The following GRK5 variants were observed in gnomAD, a reference collection of about 807,000 sequenced individuals.
GRK5 encodes g protein-coupled receptor kinase GRK5.
GRK5 carries 40 observed loss-of-function variants against 78.4 expected under a neutral mutation model. That is an observed-to-expected ratio of 0.51 (90% confidence interval 0.40 to 0.66). The LOEUF (loss-of-function observed/expected upper bound fraction) is 0.66. Among genes scored for constraint, GRK5 ranks in the 30% least tolerant of loss-of-function variants. GRK5 has a pLI of 0.00. For missense variants in GRK5, 598 were observed against 759.9 expected (o/e 0.79, Z 2.50); for synonymous variants, 289 against 296.8 (o/e 0.97, Z 0.27).
chr10:119,384,900 G>A (rs10886468), intron 3 of GRK5, among the ~76,000 whole-genome samples: 37,357 of 151,972 alleles, frequency 0.25, 4,744 homozygotes, highest in East Asian at 0.38. Context: ...AAAACAACTG[G>A]AGCAGGTTAA....
intron 4 of GRK5, among the ~76,000 whole-genome samples, chr10:119,414,592 A>G (rs1402791120): frequency 6.6e-6 from 1 of 152,200 alleles, no homozygotes; most frequent in African/African-American, 2.4e-5. Context: ...CTCTGGCCAG[A>G]TTCCCTAGGT....
chr10:119,354,952 G>A (rs1433281218), intron 2 of GRK5, among the ~76,000 whole-genome samples: 2 of 152,172 alleles, frequency 1.3e-5, no homozygotes, highest in African/African-American at 4.8e-5. Context: ...AGGACTCCCC[G>A]AGAATGCCAA....
intron 2 of GRK5, among the ~76,000 whole-genome samples, chr10:119,335,670 G>A (rs1406871425): frequency 6.6e-6 from 1 of 152,232 alleles, no homozygotes; most frequent in African/African-American, 2.4e-5. Context: ...GCCTGCGCAT[G>A]TTCTTTAAAC....
At chr10:119,388,126 T>TC (rs1164569535) in intron 3 of GRK5, among the ~76,000 whole-genome samples, 1 of 148,648 alleles carries the variant, frequency 6.7e-6, no homozygotes, top group East Asian at 1.9e-4. Context: ...CTAATTAAAT[T>TC]TTTTTTTTTT....
At chr10:119,326,418 C>A in intron 1 of GRK5, 98 bp from the exon 2 acceptor site, 1 of 934,838 alleles carries the variant, frequency 1.1e-6, no homozygotes, top group East Asian at 2.5e-5. Context: ...CAGCCCGTCC[C>A]TCTGTCTCTC....
Position 119,261,570 on chromosome 10 carries a change from C to T in GRK5, c.52+53601C>T, listed in dbSNP as rs368532769. 2.6e-4 allele frequency among the ~76,000 whole-genome samples: 39 copies of T among 152,064 alleles called. No homozygotes were observed. The East Asian group carries it at 7.4e-3, about 29-fold the overall frequency. On this transcript the variant is annotated intron_variant, in intron 1 of 15. Coordinates refer to ENST00000392870, the MANE Select transcript of GRK5 (RefSeq NM_005308.3). ...GGCGGCTGGGAGGTGGAGGTTGTAG[C>T]GAGCCGAGATCACGCCACTGCACTC...
chr10:119,245,381 C>T (rs981374667), intron 1 of GRK5, among the ~76,000 whole-genome samples: 1 of 152,056 alleles, frequency 6.6e-6, no homozygotes, highest in African/African-American at 2.4e-5. Flanking sequence ...ACCTCAAAGT[C>T]TATAGGTAAA....
intron 4 of GRK5, among the ~76,000 whole-genome samples, chr10:119,421,517 G>A (rs544083803): frequency 6.6e-6 from 1 of 152,336 alleles, no homozygotes; most frequent in South Asian, 2.1e-4. Flanking sequence ...CCATGACATC[G>A]AGGATCTTTT....
At chr10:119,390,623 A>G (rs1190718061) in intron 3 of GRK5, among the ~76,000 whole-genome samples, 1 of 152,206 alleles carries the variant, frequency 6.6e-6, no homozygotes, top group African/African-American at 2.4e-5. Flanking sequence ...TGAACCCAGG[A>G]GGCAGAGGTT....
intron 2 of GRK5, among the ~76,000 whole-genome samples, chr10:119,353,362 C>A (rs74157666): frequency 0.015 from 2,312 of 152,188 alleles, 60 homozygotes; most frequent in African/African-American, 0.051. Flanking sequence ...GTAATTACCT[C>A]CAAGTAAATA....
At chr10:119,259,072 T>TTA (rs1257167534) in intron 1 of GRK5, among the ~76,000 whole-genome samples, 1 of 149,774 alleles carries the variant, frequency 6.7e-6, no homozygotes, top group Non-Finnish European at 1.5e-5. Context: ...TTTCTTTTTT[T>TTA]TTTTTTTTTT....
intron 1 of GRK5, among the ~76,000 whole-genome samples, chr10:119,210,082 G>T (rs1848462321): frequency 6.6e-6 from 1 of 152,170 alleles, no homozygotes; most frequent in Non-Finnish European, 1.5e-5. Context: ...TGTGTGGAGT[G>T]ACCGACTCCC....
At chr10:119,425,903 G>T (rs1452737585) in intron 6 of GRK5, among the ~76,000 whole-genome samples, 3 of 152,276 alleles carry the variant, frequency 2.0e-5, no homozygotes, top group Non-Finnish European at 4.4e-5. Flanking sequence ...AGCCAGCAGT[G>T]CTGCCGACGA....
intron 3 of GRK5, among the ~76,000 whole-genome samples, chr10:119,381,488 G>A (rs1851709430): frequency 6.6e-6 from 1 of 152,238 alleles, no homozygotes; most frequent in Non-Finnish European, 1.5e-5. Flanking sequence ...GGCTCCACTG[G>A]GCTCTGGCAT....
intron 2 of GRK5, among the ~76,000 whole-genome samples, chr10:119,346,857 C>T (rs552250086): frequency 6.6e-6 from 1 of 152,332 alleles, no homozygotes; most frequent in Admixed American, 6.5e-5. Context: ...CAGTGGTCCC[C>T]TCTGAGGGCA....
At chr10:119,348,976 C>A (rs1259756737) in intron 2 of GRK5, among the ~76,000 whole-genome samples, 1 of 152,196 alleles carries the variant, frequency 6.6e-6, no homozygotes, top group African/African-American at 2.4e-5. Context: ...CAGCAGGAGA[C>A]ATCTTTTTAA....
rs927734773 is a variant in GRK5, at chr10:119,217,131, G to A, written c.52+9162G>A. On this transcript the variant is annotated intron_variant, in intron 1 of 15. Transcript: ENST00000392870. This position sits in a 1 kb window ranked among gnomAD's most constrained non-coding sequence, Gnocchi z 4.1. ...CAACAAACTCTTCTCGAGATGGTAG[G>A]GTTTTTAAGTGTAAATACCCATGAG... is the stretch of plus-strand genomic sequence containing the variant. Among the ~76,000 whole-genome samples the A allele has an allele frequency of 6.6e-6, 1 of 152,072 alleles. No homozygotes were observed. Among genetic ancestry groups the A allele is most frequent in the Non-Finnish European group, 1.5e-5 (1 of 68,024 alleles).
Position 119,363,600 on chromosome 10 carries a change from C to CCAGTT in GRK5, c.149-17213_149-17209dup, listed in dbSNP as rs1851399568. On this transcript the variant is annotated intron_variant, in intron 2 of 15. Coordinates refer to ENST00000392870, the MANE Select transcript of GRK5 (RefSeq NM_005308.3). Reference sequence around the variant, plus strand: ...ATGGAAACTCTGTCTGCATGGTCACCCAGTTCCCAGTCTTTTTCTGGCCTT... The same window carrying CCAGTT: ...ATGGAAACTCTGTCTGCATGGTCACCCAGTTCAGTTCCCAGTCTTTTTCTGGCCTT... Among the ~76,000 whole-genome samples the CCAGTT allele has an allele frequency of 5.3e-5, 8 of 152,290 alleles. No homozygotes were observed. In the South Asian group the frequency reaches 1.7e-3, roughly 32 times the overall value.
intron 8 of GRK5, among the ~76,000 whole-genome samples, chr10:119,434,572 A>T (rs1479431456): frequency 6.6e-6 from 1 of 152,248 alleles, no homozygotes; most frequent in Non-Finnish European, 1.5e-5. Context: ...CATGTCTCAC[A>T]TCCAGATCAT....
Sources: allele counts gnomAD v4.1 joint callset (sites outside exome capture counted in the v4.1 genomes callset), GRCh38; gene constraint gnomAD v4.1.1; non-coding constraint Gnocchi (gnomAD v3.1); transcripts MANE v1.5; gene names NCBI Gene and HGNC (gene_info 2026-07-23, HGNC 2026-07-21).